The following SEM1 variants were observed in gnomAD, a reference collection of about 807,000 sequenced individuals.
SEM1 encodes the protein SEM1 26S proteasome subunit.
SEM1 carries 3 observed loss-of-function variants against 12.7 expected under a neutral mutation model. The ratio of observed to expected loss-of-function variants is 0.24; its 90% confidence interval spans 0.11 to 0.61. The LOEUF (loss-of-function observed/expected upper bound fraction) is 0.61. Among genes scored for constraint, SEM1 ranks in the 20% least tolerant of loss-of-function variants. The pLI is 0.88. For synonymous variants in SEM1, 30 were observed against 27.8 expected, an observed-to-expected ratio of 1.08 and a Z score of -0.25; for missense variants, 59 against 81.3, an observed-to-expected ratio of 0.73 and a Z score of 1.06.
chr7:96,599,132 T>C (rs577080869), intron 2 of SEM1, among the ~76,000 whole-genome samples: 9 of 152,160 alleles, frequency 5.9e-5, no homozygotes, highest in Non-Finnish European at 1.3e-4. Context: ...TGCTTGCCTT[T>C]CTCTTTGCGG....
At chr7:96,597,275 T>G (rs1408479679) in intron 2 of SEM1, among the ~76,000 whole-genome samples, 1 of 152,134 alleles carries the variant, frequency 6.6e-6, no homozygotes, top group Non-Finnish European at 1.5e-5. Context: ...CTCAGGAGCA[T>G]AAAACAAAGG....
Position 96,598,738 on chromosome 7 carries a change from G to A in SEM1, c.171-92040C>T, listed in dbSNP as rs145239861. 4.6e-3 allele frequency among the ~76,000 whole-genome samples: 694 copies of A among 152,088 alleles called. 3 individuals are homozygous for A. Among genetic ancestry groups the A allele is most frequent in the Middle Eastern group, 0.021 (6 of 292 alleles). On this transcript the variant is annotated intron_variant and NMD_transcript_variant, in intron 2 of 3. Coordinates refer to the SEM1 transcript ENST00000466986. ...AACTACCATGTCTTTTTGACCACAG[G>A]CCCCAGACCACTGAGTTTATATGCT...
At chr7:96,615,241 CT>C (rs60940244) in intron 2 of SEM1, among the ~76,000 whole-genome samples, 10 of 126,468 alleles carry the variant, frequency 7.9e-5, no homozygotes, top group African/African-American at 3.2e-4. Flanking sequence ...TTTGAGTCAT[CT>C]TTTTTTTTTT....
At chr7:96,545,681 G>A (rs1229987709) in intron 2 of SEM1, among the ~76,000 whole-genome samples, 6 of 151,950 alleles carry the variant, frequency 3.9e-5, no homozygotes, top group African/African-American at 7.2e-5. Flanking sequence ...TTATTTTAGC[G>A]TTATGCATAG....
intron 2 of SEM1, among the ~76,000 whole-genome samples, chr7:96,592,957 A>G (rs901507199): frequency 2.7e-5 from 4 of 150,352 alleles, no homozygotes; most frequent in African/African-American, 9.8e-5. Flanking sequence ...TTGAAGCTCT[A>G]GAGAAGGCTC....
chr7:96,700,647 C>T (rs1385676484), intron 1 of SEM1, among the ~76,000 whole-genome samples: 1 of 152,190 alleles, frequency 6.6e-6, no homozygotes, highest in African/African-American at 2.4e-5. Flanking sequence ...TTTCGCAGTT[C>T]ATCACATCTT....
chr7:96,546,096 G>A (rs1278288267), intron 2 of SEM1, among the ~76,000 whole-genome samples: 1 of 152,024 alleles, frequency 6.6e-6, no homozygotes, highest in African/African-American at 2.4e-5. Flanking sequence ...TCTTGGAGAG[G>A]GGGTTGCTTC....
At chr7:96,533,612 G>C (rs1329352643) in intron 2 of SEM1, among the ~76,000 whole-genome samples, 1 of 152,014 alleles carries the variant, frequency 6.6e-6, no homozygotes, top group Non-Finnish European at 1.5e-5. Flanking sequence ...TGAATTATTT[G>C]GATATCGCTG....
chr7:96,489,955 A>G (rs1197644350), intron 1 of SEM1, among the ~76,000 whole-genome samples: 1 of 151,970 alleles, frequency 6.6e-6, no homozygotes, highest in African/African-American at 2.4e-5. Flanking sequence ...TTTCTGAGTA[A>G]AGTCATGTTC....
At chr7:96,672,970 T>C (rs1309156811), downstream of SEM1, 1 of 152,188 alleles carries the variant, frequency 6.6e-6, no homozygotes, top group Non-Finnish European at 1.5e-5. Context: ...ATGGGAATAA[T>C]GATACTACTT....
chr7:96,698,497 T>C (rs1215281559), intron 1 of SEM1, among the ~76,000 whole-genome samples: 2 of 152,184 alleles, frequency 1.3e-5, no homozygotes, highest in South Asian at 4.1e-4. Flanking sequence ...CTTCCACTTA[T>C]GAGTGAGAAC....
chr7:96,608,259 T>C (rs1160227477), intron 2 of SEM1, among the ~76,000 whole-genome samples: 3 of 152,206 alleles, frequency 2.0e-5, no homozygotes, highest in Non-Finnish European at 4.4e-5. Context: ...AGAGCTTTTG[T>C]TAGTACCCCA....
intron 2 of SEM1, among the ~76,000 whole-genome samples, chr7:96,585,600 T>A (rs545998424): frequency 1.3e-5 from 2 of 152,344 alleles, no homozygotes; most frequent in South Asian, 4.1e-4. Flanking sequence ...CTCAGACTGC[T>A]GTGCTAGCAA....
intron 2 of SEM1, among the ~76,000 whole-genome samples, chr7:96,689,541 A>G (rs963483310): frequency 3.3e-5 from 5 of 152,270 alleles, no homozygotes; most frequent in Non-Finnish European, 7.3e-5. Flanking sequence ...GAGTAAACTT[A>G]AAGTATGATT....
At chr7:96,544,282 A>G (rs1805039026) in intron 2 of SEM1, among the ~76,000 whole-genome samples, 1 of 152,072 alleles carries the variant, frequency 6.6e-6, no homozygotes, top group Non-Finnish European at 1.5e-5. Flanking sequence ...TTTCATCTCT[A>G]ATAACAGAGA....
intron 1 of SEM1, chr7:96,496,143 G>T (rs1386131735): frequency 5.8e-6 from 3 of 516,544 alleles, no homozygotes; most frequent in Non-Finnish European, 1.0e-5. Context: ...CCCAGAGCTC[G>T]ATTTGACTAA....
intron 2 of SEM1, among the ~76,000 whole-genome samples, chr7:96,682,553 G>A (rs570154812): frequency 2.0e-5 from 3 of 151,586 alleles, no homozygotes; most frequent in South Asian, 4.2e-4. Flanking sequence ...ATTTTGAGAC[G>A]TAAAACCATA....
intron 2 of SEM1, among the ~76,000 whole-genome samples, chr7:96,587,853 T>C (rs2116113135): frequency 6.6e-6 from 1 of 152,302 alleles, no homozygotes; most frequent in East Asian, 1.9e-4. Flanking sequence ...GTTCAATAAA[T>C]TTGACATCTT....
intron 1 of SEM1, among the ~76,000 whole-genome samples, chr7:96,702,791 A>AGC (rs1790309587): frequency 6.6e-6 from 1 of 152,242 alleles, no homozygotes; most frequent in Non-Finnish European, 1.5e-5. Context: ...CAGTAATGGA[A>AGC]CAAATGAGAA....
Sources: gnomAD v4.1 joint callset for allele counts (sites outside exome capture counted in the v4.1 genomes callset) on GRCh38, gnomAD v4.1.1 for gene constraint, MANE v1.5 for transcripts, NCBI Gene and HGNC (gene_info 2026-07-23, HGNC 2026-07-21) for gene names.